The following EYS variants were observed in gnomAD, a reference collection of about 807,000 sequenced individuals.
EYS encodes the protein EGF-like photoreceptor maintenance factor, also known as protein eyes shut homolog.
EYS carries 250 observed loss-of-function variants against 282.1 expected under a neutral mutation model. That is an observed-to-expected ratio of 0.89 (90% CI 0.80 to 0.98). The LOEUF (loss-of-function observed/expected upper bound fraction) is 0.98. EYS is among the 50% of genes least tolerant of loss of function. The probability of loss-of-function intolerance (pLI) is 0.00; values close to 1 mark genes in which losing one functional copy is unlikely to be tolerated. For missense variants in EYS, 4,016 were observed against 3,709.0 expected (o/e 1.08, Z -2.15); for synonymous variants, 1,355 against 1,282.9 (o/e 1.06, Z -1.20).
chr6:63,967,514 G>A (rs550847366), intron 35 of EYS, among the ~76,000 whole-genome samples: 57 of 152,274 alleles, frequency 3.7e-4, no homozygotes, highest in South Asian at 2.1e-3. Flanking sequence ...CTACCCAATG[G>A]TAAGAGGAAT....
At chr6:64,025,678 T>G (rs1163335850) in intron 33 of EYS, among the ~76,000 whole-genome samples, 1 of 152,150 alleles carries the variant, frequency 6.6e-6, no homozygotes, top group Non-Finnish European at 1.5e-5. Context: ...GGATCCCTCC[T>G]CAGACTAACA....
rs2150093571 is a variant in EYS at position 64,942,213 on chromosome 6, T to G, written c.2381+3580A>C. On this transcript the variant is annotated intron_variant, in intron 15 of 42. Coordinates refer to ENST00000503581, the MANE Select transcript of EYS (RefSeq NM_001142800.2). ...ATTTGGATTTCTCTGATTAATGATG[T>G]TGAGCATTTTTTTCATATGTTTATG... is the stretch of plus-strand genomic sequence containing the variant. Among the ~76,000 whole-genome samples the G allele has an allele frequency of 2.0e-5, 3 of 150,752 alleles. No homozygotes were observed. In the Middle Eastern group the frequency reaches 0.01, roughly 513 times the overall value.
At chr6:65,313,607 A>C (rs1242670203) in intron 11 of EYS, among the ~76,000 whole-genome samples, 1 of 150,980 alleles carries the variant, frequency 6.6e-6, no homozygotes, top group Non-Finnish European at 1.5e-5. Context: ...TTAGCTGTTC[A>C]AACTACCTAA....
chr6:65,200,381 C>G (rs769187035), intron 12 of EYS, among the ~76,000 whole-genome samples: 3 of 151,368 alleles, frequency 2.0e-5, no homozygotes, highest in African/African-American at 7.3e-5. Flanking sequence ...GAGTCATTAG[C>G]ATATTCAAGA....
In EYS at chr6:63,862,683, A is replaced by AT. The variant is rs1772564499; in HGVS notation, c.7228+1502dup. ...AATCAAATTTATTATAACCAATTAT[A>AT]TTTTTTCAATAGCTTTTATCTAAAT... On this transcript the variant is annotated intron_variant, in intron 36 of 42. Coordinates refer to ENST00000503581, the MANE Select transcript of EYS (RefSeq NM_001142800.2). Among the ~76,000 whole-genome samples, 3 of 152,284 alleles carry AT rather than the reference A, an allele frequency of 2.0e-5. No homozygotes were observed. The East Asian group carries it at 5.8e-4, about 29-fold the overall frequency.
intron 12 of EYS, among the ~76,000 whole-genome samples, chr6:65,153,072 C>T (rs12193376): frequency 0.042 from 6,409 of 151,612 alleles, 193 homozygotes; most frequent in Middle Eastern, 0.065. Context: ...GGACCTGTTA[C>T]TGGCTTTTAA....
chr6:63,964,043 G>T (rs140872411), intron 35 of EYS, among the ~76,000 whole-genome samples: 13 of 152,236 alleles, frequency 8.5e-5, no homozygotes, highest in African/African-American at 3.1e-4. Context: ...AATATAAAGA[G>T]AATATTGTTC....
At chr6:64,973,825 A>G (rs1770381227) in intron 14 of EYS, among the ~76,000 whole-genome samples, 1 of 151,944 alleles carries the variant, frequency 6.6e-6, no homozygotes, top group Non-Finnish European at 1.5e-5. Context: ...CTCATTTTTA[A>G]AATGGGCTTT....
chr6:63,874,722 TC>T (rs1562072282), intron 35 of EYS, among the ~76,000 whole-genome samples: 1 of 152,202 alleles, frequency 6.6e-6, no homozygotes, highest in Admixed American at 6.5e-5. Flanking sequence ...TATTTTATTC[TC>T]TTTGAAGCAA....
At chr6:64,701,360 C>T (rs1253601070) in intron 22 of EYS, among the ~76,000 whole-genome samples, 1 of 151,992 alleles carries the variant, frequency 6.6e-6, no homozygotes, top group African/African-American at 2.4e-5. Flanking sequence ...ATAAATGAGA[C>T]TTAAACTAAA....
chr6:64,511,251 G>C (rs906616376), intron 26 of EYS, among the ~76,000 whole-genome samples: 2 of 146,960 alleles, frequency 1.4e-5, no homozygotes, highest in Admixed American at 1.4e-4. Flanking sequence ...ATATATATAT[G>C]ATATATATAT....
intron 15 of EYS, among the ~76,000 whole-genome samples, chr6:64,935,310 G>GT (rs1462843955): frequency 7.3e-5 from 11 of 151,708 alleles, no homozygotes; most frequent in Admixed American, 6.6e-5. Flanking sequence ...AGTAATTACA[G>GT]TAAGTGCAAA....
chr6:65,149,507 T>C (rs1764561060), intron 12 of EYS, among the ~76,000 whole-genome samples: 1 of 152,028 alleles, frequency 6.6e-6, no homozygotes, highest in Admixed American at 6.6e-5. Context: ...TTTCCACAAG[T>C]TTCTGTCTTC....
chr6:64,012,772 T>C (rs867040023), intron 33 of EYS, among the ~76,000 whole-genome samples: 1 of 152,170 alleles, frequency 6.6e-6, no homozygotes, highest in South Asian at 2.1e-4. Flanking sequence ...AAAATAAATG[T>C]TAAACAGTAT....
At chr6:65,242,068 T>C (rs888213449) in intron 12 of EYS, among the ~76,000 whole-genome samples, 1 of 152,162 alleles carries the variant, frequency 6.6e-6, no homozygotes, top group Non-Finnish European at 1.5e-5. Context: ...ACCTGTATAA[T>C]GACTCCATTA....
rs1415539379 is a variant in EYS at position 64,307,078 on chromosome 6, G to C, written c.6083C>G (p.Pro2028Arg). The C allele has an allele frequency of 2.2e-6, 3 of 1,342,096 alleles. No homozygotes were observed. The highest frequency in any genetic ancestry group is 3.1e-6 in the Non-Finnish European group (3 of 977,650). The allele number at this position is 1,342,096 out of a possible 1,614,324, so 83.1% of individuals were successfully genotyped here. The change falls in exon 30 of 43, where the codon CCT (proline) becomes CGT (arginine). Residue 2028 changes from proline (P) to arginine (R), a missense_variant. Transcript: ENST00000503581. ...FPDLHGKIQM[P>R]VPVKNFTGCI... ...GCCAGTAAAATTCTTGACTGGTACA[G>C]GCATCTGAGAGAGAGAGAGAGAGAG...
At chr6:65,161,039 T>A (rs1354266541) in intron 12 of EYS, among the ~76,000 whole-genome samples, 1 of 150,992 alleles carries the variant, frequency 6.6e-6, no homozygotes, top group Non-Finnish European at 1.5e-5. Flanking sequence ...TGGTATAACC[T>A]ACTTAAAATC....
intron 26 of EYS, among the ~76,000 whole-genome samples, chr6:64,453,937 A>G (rs930014690): frequency 2.0e-4 from 31 of 152,182 alleles, no homozygotes; most frequent in African/African-American, 7.2e-4. Flanking sequence ...CAGCACACCA[A>G]CTTGGCACAT....
At chr6:64,184,708 G>T (rs1329438359) in intron 31 of EYS, among the ~76,000 whole-genome samples, 1 of 152,054 alleles carries the variant, frequency 6.6e-6, no homozygotes, top group Non-Finnish European at 1.5e-5. Flanking sequence ...TTTGCTCCTT[G>T]TTCTGATTTC....
Sources: gnomAD v4.1 joint callset for allele counts (sites outside exome capture counted in the v4.1 genomes callset) on GRCh38, gnomAD v4.1.1 for gene constraint, MANE v1.5 for transcripts, NCBI Gene and HGNC (gene_info 2026-07-23, HGNC 2026-07-21) for gene names.